PDE1C: variants seen among roughly 807,000 people sequenced by gnomAD.
PDE1C encodes dual specificity calcium/calmodulin-dependent 3',5'-cyclic nucleotide phosphodiesterase 1C.
In PDE1C, 62 loss-of-function variants were observed where a neutral mutation model predicts 93.1. The observed-to-expected ratio is 0.67, with a 90% CI of 0.54 to 0.82. The LOEUF is 0.82. Among genes scored for constraint, PDE1C ranks in the 40% least tolerant of loss-of-function variants. The pLI, the probability that PDE1C is intolerant of heterozygous loss-of-function variation, is 0.00. For synonymous variants in PDE1C, 325 were observed against 310.1 expected (o/e 1.05, Z -0.50); for missense variants, 742 against 884.6 (o/e 0.84, Z 2.04).
chr7:31,912,105 G>A (rs1300516303), intron 2 of PDE1C, among the ~76,000 whole-genome samples: 1 of 152,178 alleles, frequency 6.6e-6, no homozygotes, highest in African/African-American at 2.4e-5. Context: ...CAGAAGTGAT[G>A]TTAACAGACC....
intron 1 of PDE1C, among the ~76,000 whole-genome samples, chr7:32,232,252 A>G (rs1463748676): frequency 2.0e-5 from 3 of 152,222 alleles, no homozygotes; most frequent in Non-Finnish European, 4.4e-5. Context: ...ATCAGCGTGA[A>G]TGAAGAGAAT....
chr7:31,631,028 T>C, the PDE1C span, among the ~76,000 whole-genome samples: 1 of 152,156 alleles, frequency 6.6e-6, no homozygotes, highest in African/African-American at 2.4e-5. Flanking sequence ...ACTCAAGAAG[T>C]AGGTATCCAG....
intron 1 of PDE1C, among the ~76,000 whole-genome samples, chr7:32,307,375 T>C (rs1001778234): frequency 1.3e-5 from 2 of 152,248 alleles, no homozygotes; most frequent in Middle Eastern, 3.4e-3. Context: ...TGGAAGACTG[T>C]GAAGAATTTC....
the PDE1C span, among the ~76,000 whole-genome samples, chr7:31,635,648 C>G: frequency 6.6e-6 from 1 of 152,048 alleles, no homozygotes; most frequent in Non-Finnish European, 1.5e-5. Context: ...TCATTTGGAC[C>G]AGTGTATTAG....
chr7:31,937,018 G>A (rs1171457957), intron 2 of PDE1C, among the ~76,000 whole-genome samples: 3 of 152,100 alleles, frequency 2.0e-5, no homozygotes, highest in African/African-American at 7.2e-5. Flanking sequence ...GTGCTTCCAG[G>A]TCATAGGTAA....
At chr7:32,033,952 C>T (rs1281518399) in intron 2 of PDE1C, among the ~76,000 whole-genome samples, 1 of 151,970 alleles carries the variant, frequency 6.6e-6, no homozygotes, top group African/African-American at 2.4e-5. Context: ...TGCTCTCTAT[C>T]AGTAGATAAT....
At position 31,880,876 on chromosome 7, in the gene PDE1C, G is replaced by T; in HGVS notation, c.129-16C>A. ...AGACCGTAATCTAGAAAAATAAAAA[G>T]ACATAATTTCATTAGAATAGAGGAA... On this transcript the variant is annotated splice_polypyrimidine_tract_variant and intron_variant, in intron 2 of 17. Transcript: ENST00000396191. 7.0e-7 allele frequency: 1 copy of T among 1,438,048 alleles called. No individual in the cohort carries two copies. The allele number at this position is 1,438,048 out of a possible 1,614,324, so 89.1% of individuals were successfully genotyped here. A position where few individuals can be genotyped will look rare whatever the true frequency, so the allele number is the denominator to read the frequency against.
At chr7:32,077,865 A>ATTC in intron 3 of PDE1C, 1 of 985,078 alleles carries the variant, frequency 1.0e-6, no homozygotes, top group Non-Finnish European at 1.2e-6. Context: ...TATTATTATT[A>ATTC]TTACCTCCAG....
chr7:32,056,725 G>A (rs1422785266), intron 1 of PDE1C, among the ~76,000 whole-genome samples: 1 of 152,054 alleles, frequency 6.6e-6, no homozygotes, highest in Non-Finnish European at 1.5e-5. Flanking sequence ...AAATAATAAT[G>A]GCATTATAAT....
At chr7:32,362,941 C>T (rs767126824) in intron 1 of PDE1C, among the ~76,000 whole-genome samples, 43 of 152,270 alleles carry the variant, frequency 2.8e-4, no homozygotes, top group Non-Finnish European at 4.7e-4. Context: ...CTATCCATTC[C>T]GGAAGAGAAG....
the PDE1C span, among the ~76,000 whole-genome samples, chr7:31,706,340 A>G: frequency 6.6e-6 from 1 of 152,144 alleles, no homozygotes; most frequent in African/African-American, 2.4e-5. Flanking sequence ...GTGGAGCCCA[A>G]CATAGGAACA....
chr7:32,228,566 C>A (rs1562599141), intron 1 of PDE1C, among the ~76,000 whole-genome samples: 1 of 152,210 alleles, frequency 6.6e-6, no homozygotes, highest in East Asian at 1.9e-4. Context: ...GGTGCTCTTT[C>A]CAGCACCTTT....
chr7:32,206,827 A>G (rs895381280), intron 2 of PDE1C, among the ~76,000 whole-genome samples: 1 of 152,180 alleles, frequency 6.6e-6, no homozygotes, highest in Admixed American at 6.5e-5. Flanking sequence ...TGCTGGTTGG[A>G]AGCTGGTGTG....
intron 2 of PDE1C, among the ~76,000 whole-genome samples, chr7:32,038,085 T>A (rs1204118872): frequency 6.6e-6 from 1 of 152,164 alleles, no homozygotes; most frequent in Non-Finnish European, 1.5e-5. Context: ...GATCTATGCA[T>A]TGCAGAGCCT....
intron 1 of PDE1C, among the ~76,000 whole-genome samples, chr7:32,289,365 G>A (rs890598071): frequency 1.3e-5 from 2 of 152,308 alleles, no homozygotes; most frequent in African/African-American, 2.4e-5. Flanking sequence ...AACCGTGATC[G>A]TACCATTGCA....
chr7:31,628,514 G>A, the PDE1C span, among the ~76,000 whole-genome samples: 3 of 150,334 alleles, frequency 2.0e-5, no homozygotes, highest in Non-Finnish European at 4.4e-5. Flanking sequence ...ATGGAGTACA[G>A]TGGCGCGACC....
At chr7:31,996,580 G>A (rs117470130) in intron 2 of PDE1C, among the ~76,000 whole-genome samples, 2,020 of 152,274 alleles carry the variant, frequency 0.013, 28 homozygotes, top group South Asian at 0.072. Flanking sequence ...CCATGGGCTG[G>A]GAGCCTCAAG....
At chr7:32,105,710 T>TC (rs1417337461) in intron 3 of PDE1C, among the ~76,000 whole-genome samples, 4 of 151,834 alleles carry the variant, frequency 2.6e-5, no homozygotes, top group African/African-American at 9.7e-5. Flanking sequence ...ACTTTTTTTT[T>TC]TTTTTTTGTA....
intron 1 of PDE1C, among the ~76,000 whole-genome samples, chr7:32,264,135 A>G (rs952977418): frequency 1.3e-5 from 2 of 152,210 alleles, no homozygotes; most frequent in African/African-American, 4.8e-5. Context: ...GAAGCTCTAC[A>G]GGTCACTAGG....
Sources: gnomAD v4.1 joint callset for allele counts (sites outside exome capture counted in the v4.1 genomes callset) on GRCh38, gnomAD v4.1.1 for gene constraint, MANE v1.5 for transcripts, NCBI Gene and HGNC (gene_info 2026-07-23, HGNC 2026-07-21) for gene names.